The following ANAPC2 variants were observed in gnomAD, a reference collection of about 807,000 sequenced individuals.
The protein encoded by ANAPC2 is anaphase-promoting complex subunit 2.
Under a neutral mutation model 84.3 loss-of-function variants are expected in ANAPC2, and 29 were observed. The ratio of observed to expected loss-of-function variants is 0.34; its 90% CI spans 0.26 to 0.47. The LOEUF (loss-of-function observed/expected upper bound fraction) is 0.47, where lower values mean the gene tolerates loss of function less well. Ranked by LOEUF, ANAPC2 falls within the 20% of genes least tolerant of loss-of-function variation. ANAPC2 has a pLI of 1.00. For missense variants in ANAPC2, 857 were observed against 1,131.7 expected (o/e 0.76, Z 3.48); for synonymous variants, 571 against 479.4 (o/e 1.19, Z -2.50).
chr9:137,184,840 G>A, intron 4 of ANAPC2, 73 bp downstream of exon 4: 2 of 1,562,328 alleles, frequency 1.3e-6, no homozygotes, highest in Non-Finnish European at 1.7e-6. Flanking sequence ...TGCAGACACA[G>A]AGGAGACACG....
chr9:137,175,691 G>C lies in ANAPC2; in HGVS notation c.2020+17C>G. ...CCGTGTGGCCGGGGCAGGCCAGCTA[G>C]GGGCTGGTGGGCTCACCTTGGTCCT... On this transcript the variant is annotated intron_variant, in intron 11 of 12. Transcript: ENST00000323927. 6.2e-7 allele frequency: 1 copy of C among 1,605,046 alleles called. No individual in the cohort carries two copies. Among genetic ancestry groups the C allele is most frequent in the Non-Finnish European group, 8.5e-7 (1 of 1,174,880 alleles).
intron 10 of ANAPC2, among the ~76,000 whole-genome samples, 173 bp downstream of exon 10, chr9:137,180,008 G>A (rs564658819): frequency 1.3e-5 from 2 of 152,358 alleles, no homozygotes; most frequent in South Asian, 2.1e-4. Context: ...GGAGGAAGGC[G>A]GAGAGAGCGT....
At position 137,188,110 on chromosome 9, in the gene ANAPC2, T is replaced by A. The variant is rs1293625675; in HGVS notation, c.118-7A>T. 1.2e-6 allele frequency: 2 copies of A among 1,606,882 alleles called. No homozygotes were observed. Among genetic ancestry groups the A allele is most frequent in the Non-Finnish European group, 1.7e-6 (2 of 1,177,428 alleles). On this transcript the variant is annotated splice_polypyrimidine_tract_variant and splice_region_variant and intron_variant, in intron 1 of 12. Coordinates refer to ENST00000323927, the MANE Select transcript of ANAPC2 (RefSeq NM_013366.4). ...CGCTGGTCCGGGAAGACACCTGGGG[T>A]GCAGAAAACCGTGAGGCGAGGGGAA...
chr9:137,187,626 G>A lies in ANAPC2; in HGVS notation c.595C>T (p.Leu199=), dbSNP rs771103974. ...RKGEGGTDPE[L]EGELDSRYAR... ...TACCGGCTGTCCAGCTCCCCTTCCA[G>A]TTCCGGGTCTGTGCCCCCTTCCCCC... Residue 199 remains leucine (L), a synonymous_variant, in exon 2 of 13, where the codon CTG becomes TTG. Coordinates refer to ENST00000323927, the MANE Select transcript of ANAPC2 (RefSeq NM_013366.4). 6.2e-7 allele frequency: 1 copy of A among 1,614,090 alleles called. No homozygotes were observed. The highest frequency in any genetic ancestry group is 8.5e-7 in the Non-Finnish European group (1 of 1,180,032).
Position 137,180,174 on chromosome 9 carries a change from G to A in ANAPC2, c.1890+7C>T. The A allele has an allele frequency of 6.2e-7, 1 of 1,612,738 alleles. No homozygotes were observed. Among genetic ancestry groups the A allele is most frequent in the Non-Finnish European group, 8.5e-7 (1 of 1,179,512 alleles). ...AGAGCCCATGGGGTGGCCTGGCATG[G>A]AGGTACCTTGAGCTGCTCATACTTC... On this transcript the variant is annotated splice_region_variant and intron_variant, in intron 10 of 12. Coordinates refer to ENST00000323927, the MANE Select transcript of ANAPC2 (RefSeq NM_013366.4).
chr9:137,181,791 G>T lies in ANAPC2; in HGVS notation c.1358C>A (p.Ala453Asp). The change falls in exon 7 of 13, where the codon GCT becomes GAT. Residue 453 changes from alanine to aspartate, a missense_variant. By Grantham distance (126) the Ala-to-Asp change is moderately radical. Coordinates refer to ENST00000323927, the MANE Select transcript of ANAPC2 (RefSeq NM_013366.4). Reference sequence around the variant, plus strand: ...CGGGTCGGTCTTGGACAGCTCAACAGCCAGGTCCCCTGTCCCGTCCGAGTC... The same window carrying T: ...CGGGTCGGTCTTGGACAGCTCAACATCCAGGTCCCCTGTCCCGTCCGAGTC... The part of the protein sequence containing the change: ...TGDSDGTGDL[A>D]VELSKTDPAS... 1 of 1,610,294 alleles carries T rather than the reference G, an allele frequency of 6.2e-7. No homozygotes were observed.
chr9:137,184,356 G>GA (rs1408501524), intron 4 of ANAPC2, among the ~76,000 whole-genome samples: 2 of 150,628 alleles, frequency 1.3e-5, no homozygotes, highest in Non-Finnish European at 3.0e-5. Flanking sequence ...GGGAGCCCCA[G>GA]ATGCAGACAA....
In ANAPC2 at chr9:137,176,142, C is replaced by T. The variant is rs1440396825; in HGVS notation, c.1891-305G>A. The T allele has an allele frequency of 9.6e-5, 23 of 238,518 alleles. No homozygotes were observed. The East Asian group carries it at 1.8e-3, about 19-fold the overall frequency. The allele number at this position is 238,518 out of a possible 1,614,324, so 14.8% of individuals were successfully genotyped here. ...GGTTGATGCAGATGTAACTGAGGTG[C>T]ATCCTAACCCAACTGACTGGGGTCC... On this transcript the variant is annotated intron_variant, in intron 10 of 12. Coordinates refer to ENST00000323927, the MANE Select transcript of ANAPC2 (RefSeq NM_013366.4).
intron 11 of ANAPC2, 59 bp downstream of exon 11, chr9:137,175,649 C>A: frequency 6.4e-7 from 1 of 1,567,594 alleles, no homozygotes; most frequent in South Asian, 1.2e-5. Flanking sequence ...GGGAACAGCC[C>A]CTCACCCACA....
chr9:137,184,832 C>T, intron 4 of ANAPC2, 81 bp downstream of exon 4: 1 of 1,541,684 alleles, frequency 6.5e-7, no homozygotes, highest in Non-Finnish European at 8.8e-7. Context: ...AGCCCAGATG[C>T]AGACACAGAG....
Position 137,180,871 on chromosome 9 carries a change from G to A in ANAPC2, c.1527C>T (p.Tyr509=), listed in dbSNP as rs116545473. The part of the protein sequence containing the change: ...SDIISLLVSI[Y]GSKDLFINEY... ...CATTGATGAAGAGGTCCTTGCTGCC[G>A]TAGATGCTGACCAGCAGGCTGATGA... The change falls in exon 8 of 13, where the codon TAC becomes TAT. Residue 509 remains tyrosine (Y), a synonymous_variant. Coordinates refer to ENST00000323927, the MANE Select transcript of ANAPC2 (RefSeq NM_013366.4). 1,903 of 1,613,438 alleles carry A rather than the reference G, an allele frequency of 1.2e-3. 21 individuals are homozygous for A. The African/African-American group carries it at 0.023, about 19-fold the overall frequency.
intron 3 of ANAPC2, 125 bp downstream of exon 3, chr9:137,186,099 C>A (rs1834461671): frequency 1.4e-6 from 2 of 1,383,536 alleles, no homozygotes. Context: ...ACAGCTCCAG[C>A]CACCACCCGG....
rs771080792 is a variant in ANAPC2, at chr9:137,180,773, C to T, written c.1610+15G>A. On this transcript the variant is annotated intron_variant, in intron 8 of 12. Transcript: ENST00000323927. ...CCGGCACCCCTGGAGATGGCCAGCG[C>T]GTCACAGGCCTCACCGCTCGGGGCT... 21 of 1,606,732 alleles carry T rather than the reference C, an allele frequency of 1.3e-5. No individual in the cohort carries two copies. Among genetic ancestry groups the T allele is most frequent in the East Asian group, 4.5e-5 (2 of 44,808 alleles).
intron 10 of ANAPC2, among the ~76,000 whole-genome samples, chr9:137,179,095 G>A (rs548801195): frequency 3.3e-5 from 5 of 152,300 alleles, no homozygotes; most frequent in East Asian, 1.9e-4. Flanking sequence ...GCCTCCTGGC[G>A]GCTCTGTCCT....
Position 137,180,230 on chromosome 9 carries a change from T to C in ANAPC2, c.1841A>G (p.Asp614Gly). 6.2e-7 allele frequency: 1 copy of C among 1,613,804 alleles called. No homozygotes were observed. ...FKDEKLEVPE[D>G]IRAALEAYCK... ...GTAAGCCTCCAGGGCTGCCCTGATA[T>C]CCTCGGGGACCTCCAGCTTCTCGTC... The change falls in exon 10 of 13, where the codon GAT becomes GGT. Residue 614 changes from aspartate (D) to glycine (G), a missense_variant. Asp to Gly is a moderately conservative substitution (Grantham distance 94, BLOSUM62 -1). Around this residue, in one of 3 missense-constraint regions of ANAPC2, gnomAD observed 425 missense variants for 595.5 expected, o/e 0.71. Transcript: ENST00000323927.
At chr9:137,175,680 C>A (rs1436312422) in intron 11 of ANAPC2, 28 bp downstream of exon 11, 3 of 1,600,058 alleles carry the variant, frequency 1.9e-6, no homozygotes. Flanking sequence ...GTGGCCGGGG[C>A]AGGCCAGCTA....
At chr9:137,180,703 G>T in intron 8 of ANAPC2, 85 bp downstream of exon 8, 1 of 1,574,730 alleles carries the variant, frequency 6.4e-7, no homozygotes, top group Non-Finnish European at 8.6e-7. Flanking sequence ...CCAGGCCCCA[G>T]GCACGGCGTC....
At chr9:137,181,527 G>A (rs1056671897) in intron 7 of ANAPC2, among the ~76,000 whole-genome samples, 154 bp downstream of exon 7, 7 of 152,194 alleles carry the variant, frequency 4.6e-5, no homozygotes, top group Non-Finnish European at 8.8e-5. Flanking sequence ...GGCAGGTGGC[G>A]GAGCACTGCC....
At position 137,187,790 on chromosome 9, in the gene ANAPC2, G is replaced by A. The variant is rs200629106; in HGVS notation, c.431C>T (p.Thr144Ile). ...TTCTTCTCGCAGCCCCTGAGCACCA[G>A]TGCCCATCAGCAAGCCCAGGCGAGT... Reference protein sequence around the residue: ...KWTRLGLLMGTGAQGLREEVH... With the variant: ...KWTRLGLLMGIGAQGLREEVH... The change falls in exon 2 of 13, where the codon ACT (threonine) becomes ATT (isoleucine). Residue 144 changes from threonine (T) to isoleucine (I), a missense_variant. Thr to Ile is a moderately conservative substitution (Grantham distance 89, BLOSUM62 -1). Coordinates refer to ENST00000323927, the MANE Select transcript of ANAPC2 (RefSeq NM_013366.4). 238 of 1,613,562 alleles carry A rather than the reference G, an allele frequency of 1.5e-4. No individual in the cohort carries two copies. Among genetic ancestry groups the A allele is most frequent in the Non-Finnish European group, 1.9e-4 (219 of 1,180,048 alleles).
Sources: gnomAD v4.1 joint callset for allele counts (sites outside exome capture counted in the v4.1 genomes callset) on GRCh38, gnomAD v4.1.1 for gene constraint, gnomAD v4.1.1 regional missense constraint, MANE v1.5 for transcripts, NCBI Gene and HGNC (gene_info 2026-07-23, HGNC 2026-07-21) for gene names.